The following SMOC1 variants were observed in gnomAD, a reference collection of about 807,000 sequenced individuals.
The protein encoded by SMOC1 is SPARC related modular calcium binding 1.
In SMOC1, 22 loss-of-function variants were observed where a neutral mutation model predicts 56.3. The observed-to-expected ratio is 0.39, with a 90% confidence interval of 0.28 to 0.56. SMOC1 has a LOEUF of 0.56. Among genes scored for constraint, SMOC1 ranks in the 20% least tolerant of loss-of-function variants. SMOC1 has a pLI of 0.61. For synonymous variants in SMOC1, 193 were observed against 215.0 expected (o/e 0.90, Z 0.89); for missense variants, 509 against 565.4 (o/e 0.90, Z 1.01).
chr14:69,949,186 G>A (rs994754049), intron 1 of SMOC1, among the ~76,000 whole-genome samples: 6 of 152,180 alleles, frequency 3.9e-5, no homozygotes, highest in African/African-American at 1.2e-4. Flanking sequence ...CTCTGCCCAC[G>A]TGCAATGCAG....
intron 11 of SMOC1, among the ~76,000 whole-genome samples, chr14:70,027,889 C>T (rs1297665177): frequency 6.6e-6 from 1 of 152,154 alleles, no homozygotes; most frequent in East Asian, 1.9e-4. Context: ...CCCCTCCATC[C>T]CTCTGCTCTG....
At position 69,976,019 on chromosome 14, in the gene SMOC1, G is replaced by A. The variant is rs57039949; in HGVS notation, c.478+205G>A. Among the ~76,000 whole-genome samples, 33 of 152,282 alleles carry A rather than the reference G, an allele frequency of 2.2e-4. No homozygotes were observed. The East Asian group carries it at 6.0e-3, about 28-fold the overall frequency. On this transcript the variant is annotated intron_variant, in intron 4 of 11. Transcript: ENST00000361956. ...GTGTATGCCATGTGTGTGTATTTAT[G>A]GATTTTGAGTTTAGATTTTTGGTTC... is the stretch of plus-strand genomic sequence containing the variant.
chr14:69,880,200 G>A (rs1216520594), intron 1 of SMOC1, among the ~76,000 whole-genome samples: 1 of 152,026 alleles, frequency 6.6e-6, no homozygotes, highest in Non-Finnish European at 1.5e-5. Context: ...GGCGGGTGCA[G>A]CTCTGCCTGG....
At chr14:69,901,920 A>C (rs1194796172) in intron 1 of SMOC1, among the ~76,000 whole-genome samples, 3 of 151,926 alleles carry the variant, frequency 2.0e-5, no homozygotes, top group Non-Finnish European at 4.4e-5. Flanking sequence ...CCCAGCCTCT[A>C]CTCTGTCTTT....
chr14:69,879,565 C>A lies in SMOC1; in HGVS notation c.-114C>A. On this transcript the variant is annotated 5_prime_UTR_variant, in exon 1 of 12. Transcript: ENST00000361956. ...GCGAGCCCCCGCCGCAGGACCACGG[C>A]CCGCTCCCCGCCGCCGCGAGGGCCC... 1 of 798,460 alleles carries A rather than the reference C, an allele frequency of 1.3e-6. No homozygotes were observed. The highest frequency in any genetic ancestry group is 1.8e-6 in the Non-Finnish European group (1 of 569,940). The allele number at this position is 798,460 out of a possible 1,614,324, so 49.5% of individuals were successfully genotyped here. A position where few individuals can be genotyped will look rare whatever the true frequency, so the allele number is the denominator to read the frequency against.
intron 1 of SMOC1, among the ~76,000 whole-genome samples, chr14:69,932,102 G>A (rs1317008493): frequency 3.9e-5 from 6 of 152,198 alleles, no homozygotes; most frequent in Non-Finnish European, 5.9e-5. Context: ...CAACAGGTGC[G>A]TGGTGGGTTG....
In SMOC1 at chr14:70,028,782, C is replaced by T. The variant is rs1043030883; in HGVS notation, c.1292-1460C>T. On this transcript the variant is annotated intron_variant, in intron 11 of 11. Transcript: ENST00000361956. Reference sequence around the variant, plus strand: ...CTGCCTGCCTTGGGGCTGTCACCTTCTTTTAGAGTTCATGTCCTCCTCTGT... The same window carrying T: ...CTGCCTGCCTTGGGGCTGTCACCTTTTTTTAGAGTTCATGTCCTCCTCTGT... 2.0e-5 allele frequency among the ~76,000 whole-genome samples: 3 copies of T among 152,216 alleles called. No homozygotes were observed. The East Asian group carries it at 5.8e-4, about 29-fold the overall frequency.
chr14:69,991,613 G>A (rs1341128084), intron 5 of SMOC1, among the ~76,000 whole-genome samples: 3 of 152,166 alleles, frequency 2.0e-5, no homozygotes, highest in South Asian at 2.1e-4. Context: ...TGTGCAGAGA[G>A]GACTGCCAAC....
chr14:70,011,627 T>C (rs1288014731), intron 9 of SMOC1, 60 bp downstream of exon 9: 2 of 1,472,746 alleles, frequency 1.4e-6, no homozygotes, highest in Non-Finnish European at 1.9e-6. Context: ...CACCCTCTCA[T>C]TATGCAGAAG....
chr14:69,906,689 G>T (rs1312510132), intron 1 of SMOC1, among the ~76,000 whole-genome samples: 1 of 152,214 alleles, frequency 6.6e-6, no homozygotes, highest in Non-Finnish European at 1.5e-5. Context: ...GAAGTTGGAA[G>T]CCAACTGAGA....
chr14:69,902,986 C>T (rs1265474780), intron 1 of SMOC1, among the ~76,000 whole-genome samples: 3 of 152,190 alleles, frequency 2.0e-5, no homozygotes, highest in Non-Finnish European at 2.9e-5. Flanking sequence ...ACCTCCCAGC[C>T]GCCTGCCTTG....
intron 1 of SMOC1, among the ~76,000 whole-genome samples, chr14:69,892,696 A>G (rs1279394362): frequency 2.6e-5 from 4 of 152,104 alleles, no homozygotes; most frequent in African/African-American, 9.7e-5. Flanking sequence ...ACATCTCCCT[A>G]TTCCCCTGCT....
chr14:69,881,508 C>T (rs763910640), intron 1 of SMOC1, among the ~76,000 whole-genome samples: 12 of 152,028 alleles, frequency 7.9e-5, no homozygotes, highest in Non-Finnish European at 1.5e-4. Context: ...AATCAGGCAC[C>T]GTGGTTAGGT....
At chr14:69,898,842 C>T (rs915736648) in intron 1 of SMOC1, among the ~76,000 whole-genome samples, 2 of 151,994 alleles carry the variant, frequency 1.3e-5, no homozygotes, top group Non-Finnish European at 2.9e-5. Flanking sequence ...TGTTTGCCTT[C>T]TAGTATGCCT....
intron 10 of SMOC1, among the ~76,000 whole-genome samples, chr14:70,013,748 G>C (rs749425803): frequency 6.6e-6 from 1 of 152,230 alleles, no homozygotes. Flanking sequence ...GTCCAGGGCT[G>C]TCTGGGACTT....
intron 3 of SMOC1, among the ~76,000 whole-genome samples, chr14:69,968,862 G>C (rs1401018806): frequency 6.6e-6 from 1 of 152,172 alleles, no homozygotes; most frequent in Non-Finnish European, 1.5e-5. Flanking sequence ...TATGGTTCAT[G>C]ATTTCTATTT....
intron 3 of SMOC1, 125 bp from the exon 4 acceptor site, chr14:69,975,590 T>C (rs936822432): frequency 6.7e-6 from 5 of 749,124 alleles, no homozygotes; most frequent in African/African-American, 3.4e-5. Flanking sequence ...TGGAGACAGA[T>C]GTGGGGATGA....
At chr14:69,936,210 G>A (rs1193703772) in intron 1 of SMOC1, among the ~76,000 whole-genome samples, 1 of 152,200 alleles carries the variant, frequency 6.6e-6, no homozygotes, top group Admixed American at 6.5e-5. Flanking sequence ...TAGAGAGGCT[G>A]CTGAGTGCCG....
intron 1 of SMOC1, among the ~76,000 whole-genome samples, chr14:69,950,283 T>A (rs145103243): frequency 3.2e-4 from 49 of 152,284 alleles, no homozygotes; most frequent in African/African-American, 1.2e-3. Flanking sequence ...ATAGCTGGGA[T>A]GTGGTCTGTG....
Sources: allele counts gnomAD v4.1 joint callset (sites outside exome capture counted in the v4.1 genomes callset), GRCh38; gene constraint gnomAD v4.1.1; transcripts MANE v1.5; gene names NCBI Gene and HGNC (gene_info 2026-07-23, HGNC 2026-07-21).